SH3D21: variants seen among roughly 807,000 people sequenced by gnomAD.
SH3D21 encodes the protein manchette microtubule inner protein 1.
Under a neutral mutation model 82.1 loss-of-function variants are expected in SH3D21, and 83 were observed. The observed-to-expected ratio is 1.01, with a 90% CI of 0.85 to 1.21. The LOEUF is 1.21. Among genes scored for constraint, SH3D21 ranks in the 50% most tolerant of loss-of-function variants. SH3D21 has a pLI of 0.00. For synonymous variants in SH3D21, 383 were observed against 387.8 expected (o/e 0.99, Z 0.15); for missense variants, 980 against 962.1 (o/e 1.02, Z -0.25).
At chr1:36,311,515 C>T (rs1305014699) in intron 10 of SH3D21, among the ~76,000 whole-genome samples, 1 of 152,022 alleles carries the variant, frequency 6.6e-6, no homozygotes, top group African/African-American at 2.4e-5. Flanking sequence ...GCTGGGATTA[C>T]AGGCATGAGC....
chr1:36,312,945 T>C (rs1192690587), intron 10 of SH3D21, among the ~76,000 whole-genome samples: 1 of 151,878 alleles, frequency 6.6e-6, no homozygotes, highest in Non-Finnish European at 1.5e-5. Flanking sequence ...AACTCCTGAC[T>C]TTGTGGTCTG....
intron 10 of SH3D21, among the ~76,000 whole-genome samples, chr1:36,314,657 A>G (rs1646308358): frequency 6.6e-6 from 1 of 151,742 alleles, no homozygotes; most frequent in Non-Finnish European, 1.5e-5. Context: ...GGGTTTTGCC[A>G]TGTTTCCCAG....
At chr1:36,325,351 G>T (rs557172726), downstream of SH3D21, among the ~76,000 whole-genome samples, 2 of 152,280 alleles carry the variant, frequency 1.3e-5, no homozygotes, top group Non-Finnish European at 2.9e-5. Context: ...TTTCATAGCG[G>T]TTACATTATA....
chr1:36,309,621 G>T (rs961697017), intron 10 of SH3D21, 31 bp downstream of exon 10: 6 of 1,550,988 alleles, frequency 3.9e-6, no homozygotes, highest in African/African-American at 1.4e-5. Context: ...GGATTGGGGG[G>T]TGTTCTCTGG....
chr1:36,317,559 G>GT (rs970351671), intron 10 of SH3D21, among the ~76,000 whole-genome samples: 3 of 151,986 alleles, frequency 2.0e-5, no homozygotes, highest in South Asian at 2.1e-4. Flanking sequence ...TCTGCCTAGT[G>GT]TTTTTTTGTT....
At chr1:36,310,933 G>C (rs978213212) in intron 10 of SH3D21, among the ~76,000 whole-genome samples, 2 of 151,990 alleles carry the variant, frequency 1.3e-5, no homozygotes, top group African/African-American at 4.8e-5. Flanking sequence ...TATGGAGACA[G>C]AGTCTCTCTC....
Position 36,307,782 on chromosome 1 carries a change from C to G in SH3D21, c.449C>G (p.Pro150Arg). Residue 150 changes from proline (P) to arginine (R), a missense_variant, in exon 6 of 16, where the codon CCA becomes CGA. Pro to Arg is a moderately radical substitution (Grantham distance 103). Coordinates refer to ENST00000453908, the MANE Select transcript of SH3D21 (RefSeq NM_001162530.2). The surrounding 1 kb of genome is among the most constrained non-coding windows in gnomAD (Gnocchi z 5.4). The part of the protein sequence containing the change: ...LDSGPPSLGN[P>R]DMPSVSPGPQ... ...TGTCCCCCACTAGGCCTTGGTAACC[C>G]AGACATGCCTTCAGTCAGCCCTGGT... The G allele has an allele frequency of 1.3e-6, 2 of 1,551,852 alleles. No individual in the cohort carries two copies. The highest frequency in any genetic ancestry group is 1.7e-6 in the Non-Finnish European group (2 of 1,147,022).
At position 36,320,605 on chromosome 1, in the gene SH3D21, C is replaced by T. The variant is rs776845403; in HGVS notation, c.1942C>T (p.Pro648Ser). The T allele has an allele frequency of 1.9e-6, 3 of 1,614,234 alleles. No individual in the cohort carries two copies. The highest frequency in any genetic ancestry group is 2.5e-6 in the Non-Finnish European group (3 of 1,180,038). Residue 648 changes from proline (P) to serine (S), a missense_variant, in exon 14 of 16, where the codon CCC (proline) becomes TCC (serine). Pro to Ser is a moderately conservative substitution (Grantham distance 74, BLOSUM62 -1). Coordinates refer to ENST00000453908, the MANE Select transcript of SH3D21 (RefSeq NM_001162530.2). ...AGTGGCTCCAAAAGAGGAGGTGCCCCCCATAGAAAGAGCCTTTGCCCAAAA... is the reference window on the plus strand; with the variant it reads ...AGTGGCTCCAAAAGAGGAGGTGCCCTCCATAGAAAGAGCCTTTGCCCAAAA... ...EEVAPKEEVPPIERAFAQKTR... is the reference protein window; with the variant it reads ...EEVAPKEEVPSIERAFAQKTR...
At chr1:36,319,633 C>G in intron 13 of SH3D21, 42 bp from the exon 14 acceptor site, 1 of 1,550,834 alleles carries the variant, frequency 6.4e-7, no homozygotes, top group Non-Finnish European at 8.7e-7. Context: ...CAAGGGGAAC[C>G]AGACTCAACC....
chr1:36,326,072 G>A (rs1646541290), downstream of SH3D21, among the ~76,000 whole-genome samples: 3 of 152,192 alleles, frequency 2.0e-5, no homozygotes, highest in African/African-American at 2.4e-5. Context: ...GCTGTGCCAG[G>A]ATCTGGGGAG....
At chr1:36,324,031 T>A (rs149145653), downstream of SH3D21, 15 of 152,462 alleles carry the variant, frequency 9.8e-5, no homozygotes, top group African/African-American at 2.4e-4. Context: ...AAGCCTGAGC[T>A]AGAAACCACC....
rs553007686 is a variant in SH3D21 at position 36,319,953 on chromosome 1, G to T, written c.1290G>T (p.Glu430Asp). The change falls in exon 14 of 16, where the codon GAG (glutamate) becomes GAT (aspartate). Residue 430 changes from glutamate (E) to aspartate (D), a missense_variant. By Grantham distance (45) the Glu-to-Asp change is conservative (BLOSUM62 2). Transcript: ENST00000453908. ...CGGAGGACAAGGCTTCTATCCCAGA[G>T]AACTCCATCATCCCAGAGGAGACCC... Reference protein sequence around the residue: ...VTPEDKASIPENSIIPEETLT... With the variant: ...VTPEDKASIPDNSIIPEETLT... 6.2e-7 allele frequency: 1 copy of T among 1,614,076 alleles called. No homozygotes were observed.
chr1:36,322,031 C>A, downstream of SH3D21: 1 of 1,294,578 alleles, frequency 7.7e-7, no homozygotes, highest in Non-Finnish European at 9.8e-7. Flanking sequence ...GAGACTGAGT[C>A]ACTGAGAATG....
chr1:36,326,249 G>T (rs75900205), downstream of SH3D21, among the ~76,000 whole-genome samples: 152 of 95,448 alleles, frequency 1.6e-3, no homozygotes, highest in Non-Finnish European at 2.4e-3. Flanking sequence ...TTTTTTTTTT[G>T]AGACGGAGTT....
chr1:36,307,493 C>T lies in SH3D21; in HGVS notation c.346-24C>T. 3 of 1,550,374 alleles carry T rather than the reference C, an allele frequency of 1.9e-6. No homozygotes were observed. The highest frequency in any genetic ancestry group is 1.2e-5 in the South Asian group (1 of 83,944). ...GGACTCTTGGGGCAGAACCAGACGC[C>T]TCTGCGTCCTCCCCTCTCCCCAGAT... On this transcript the variant is annotated intron_variant, in intron 4 of 15. Coordinates refer to ENST00000453908, the MANE Select transcript of SH3D21 (RefSeq NM_001162530.2). This position sits in a 1 kb window ranked among gnomAD's most constrained non-coding sequence, Gnocchi z 5.4.
chr1:36,307,737 A>C lies in SH3D21; in HGVS notation c.437-33A>C. 5.2e-6 allele frequency: 8 copies of C among 1,548,992 alleles called. No homozygotes were observed. Among genetic ancestry groups the C allele is most frequent in the African/African-American group, 4.1e-5 (3 of 73,114 alleles). ...TCTCCCATGACCTAACCTGTGAATT[A>C]GCACCCTCCCTAACCTCACTGTCCC... On this transcript the variant is annotated intron_variant, in intron 5 of 15. Coordinates refer to ENST00000453908, the MANE Select transcript of SH3D21 (RefSeq NM_001162530.2). This position sits in a 1 kb window ranked among gnomAD's most constrained non-coding sequence, Gnocchi z 5.4.
downstream of SH3D21, chr1:36,322,682 G>A: frequency 1.9e-6 from 3 of 1,547,550 alleles, no homozygotes; most frequent in Non-Finnish European, 2.6e-6. Context: ...GCAGGCCGAA[G>A]CAGACGCCCA....
downstream of SH3D21, chr1:36,329,106 C>T (rs1359910700): frequency 6.6e-6 from 1 of 152,260 alleles, no homozygotes; most frequent in East Asian, 1.9e-4. Flanking sequence ...CTGTTGCTCC[C>T]TTTATGCTCC....
chr1:36,306,623 C>G lies in SH3D21; in HGVS notation c.30C>G (p.Arg10=), dbSNP rs1055645042. ...AAGTCCTCGTCCTGGCCGGATACCG[C>G]GCGCAGAAGGAGGACGAGCTGAGTC... MEVLVLAGY[R]AQKEDELSLA... Residue 10 remains arginine (R), a synonymous_variant, in exon 2 of 16, where the codon CGC becomes CGG. Coordinates refer to ENST00000453908, the MANE Select transcript of SH3D21 (RefSeq NM_001162530.2). This position sits in a 1 kb window ranked among gnomAD's most constrained non-coding sequence, Gnocchi z 4.5. 3 of 1,302,668 alleles carry G rather than the reference C, an allele frequency of 2.3e-6. No individual in the cohort carries two copies. The highest frequency in any genetic ancestry group is 3.0e-6 in the Non-Finnish European group (3 of 988,730). 80.7% of individuals were successfully genotyped at this position (1,302,668 alleles called of 1,614,324 possible).
Sources: gnomAD v4.1 joint callset for allele counts (sites outside exome capture counted in the v4.1 genomes callset) on GRCh38, gnomAD v4.1.1 for gene constraint, Gnocchi (gnomAD v3.1) non-coding constraint, MANE v1.5 for transcripts, NCBI Gene and HGNC (gene_info 2026-07-23, HGNC 2026-07-21) for gene names.